SZRD1: variants seen among roughly 807,000 people sequenced by gnomAD.
SZRD1 encodes the protein SUZ RNA-binding domain-containing.
SZRD1 carries 7 observed loss-of-function variants against 17.6 expected under a neutral mutation model. The observed-to-expected ratio is 0.40, with a 90% confidence interval of 0.23 to 0.75. The LOEUF (loss-of-function observed/expected upper bound fraction) is 0.75. Among genes scored for constraint, SZRD1 ranks in the 30% least tolerant of loss-of-function variants. The pLI is 0.38. For synonymous variants in SZRD1, 77 were observed against 77.9 expected (o/e 0.99, Z 0.06); for missense variants, 178 against 201.8 (o/e 0.88, Z 0.71).
rs547843379 is a variant in SZRD1 at position 16,371,446 on chromosome 1, T to C, written c.51+4138T>C. 2.1e-4 allele frequency among the ~76,000 whole-genome samples: 30 copies of C among 144,946 alleles called. No homozygotes were observed. The South Asian group carries it at 5.6e-3, about 27-fold the overall frequency. On this transcript the variant is annotated intron_variant, in intron 1 of 3. Coordinates refer to ENST00000401088, the MANE Select transcript of SZRD1 (RefSeq NM_001114600.3). ...GCTCCCCCCTCTCCCTTCCTTTTTT[T>C]TCCTTTTTTTTTTTCCCCTTTTTTT...
chr1:16,367,252 A>C lies in SZRD1; in HGVS notation c.-6A>C, dbSNP rs1418315584. 1 of 1,548,078 alleles carries C rather than the reference A, an allele frequency of 6.5e-7. No homozygotes were observed. Among genetic ancestry groups the C allele is most frequent in the Non-Finnish European group, 8.7e-7 (1 of 1,146,308 alleles). On this transcript the variant is annotated 5_prime_UTR_variant, in exon 1 of 4. Transcript: ENST00000401088. ...GGGTGGGGGAGGAGGGAAAGCGGCG[A>C]GTAAGATGGAAGATGAGGAGGTCGC... is the stretch of plus-strand genomic sequence containing the variant.
intron 1 of SZRD1, 132 bp downstream of exon 1, chr1:16,367,440 C>T: frequency 1.2e-6 from 1 of 804,822 alleles, no homozygotes; most frequent in South Asian, 1.8e-5. Context: ...GGTGGAGAGG[C>T]CCCCAGTTCC....
chr1:16,381,840 G>A (rs2083110574), intron 1 of SZRD1, among the ~76,000 whole-genome samples: 1 of 151,598 alleles, frequency 6.6e-6, no homozygotes, highest in South Asian at 2.1e-4. Flanking sequence ...GTTGAGGCAG[G>A]TTTGAACCCA....
At chr1:16,383,274 A>G (rs1170402235) in intron 1 of SZRD1, among the ~76,000 whole-genome samples, 2 of 147,854 alleles carry the variant, frequency 1.4e-5, no homozygotes, top group East Asian at 2.0e-4. Flanking sequence ...CTGGAGTGCA[A>G]TGGCACAATC....
At chr1:16,377,296 A>C (rs560907924) in intron 1 of SZRD1, among the ~76,000 whole-genome samples, 2 of 152,100 alleles carry the variant, frequency 1.3e-5, no homozygotes, top group Non-Finnish European at 2.9e-5. Flanking sequence ...TGCAGTCATT[A>C]TAAAAGGTAG....
At chr1:16,388,484 T>A in intron 1 of SZRD1, among the ~76,000 whole-genome samples, 1 of 152,154 alleles carries the variant, frequency 6.6e-6, no homozygotes, top group East Asian at 1.9e-4. Flanking sequence ...TAAATCTAGT[T>A]TCATATGGTT....
chr1:16,375,044 A>G lies in SZRD1; in HGVS notation c.51+7736A>G, dbSNP rs571527191. On this transcript the variant is annotated intron_variant, in intron 1 of 3. Transcript: ENST00000401088. Reference sequence around the variant, plus strand: ...AGGTGCTCGCCACTACACCCAGCCAATTTTTGTATTTTTAGTAGAGATGGG... The same window carrying G: ...AGGTGCTCGCCACTACACCCAGCCAGTTTTTGTATTTTTAGTAGAGATGGG... Among the ~76,000 whole-genome samples, 56 of 151,816 alleles carry G rather than the reference A, an allele frequency of 3.7e-4. 3 individuals are homozygous for G. In the East Asian group the frequency reaches 0.01, roughly 28 times the overall value.
chr1:16,370,549 T>A (rs1007623934), intron 1 of SZRD1, among the ~76,000 whole-genome samples: 52 of 151,354 alleles, frequency 3.4e-4, no homozygotes, highest in African/African-American at 7.7e-4. Flanking sequence ...ATTTTTTTTT[T>A]ATTTTTTGAG....
chr1:16,369,626 C>T (rs759111311), intron 1 of SZRD1: 1 of 586,308 alleles, frequency 1.7e-6, no homozygotes, highest in East Asian at 2.9e-5. Context: ...CTGTGGCTCA[C>T]GCCTGTAATC....
chr1:16,387,736 C>T (rs532718525), intron 1 of SZRD1: 6 of 455,754 alleles, frequency 1.3e-5, no homozygotes, highest in South Asian at 3.1e-5. Context: ...TAGAGTGGAG[C>T]GAAATGATAC....
intron 1 of SZRD1, among the ~76,000 whole-genome samples, chr1:16,390,061 C>G (rs1015164036): frequency 1.3e-5 from 2 of 152,234 alleles, no homozygotes; most frequent in African/African-American, 4.8e-5. Context: ...AGAATCTTAT[C>G]TGGTTGAGAA....
intron 1 of SZRD1, chr1:16,369,446 C>T (rs1017383887): frequency 1.3e-5 from 14 of 1,054,182 alleles, no homozygotes; most frequent in South Asian, 3.8e-5. Context: ...CCATCTTCTA[C>T]GGGGTGAGTG....
Position 16,393,248 on chromosome 1 carries a change from C to G in SZRD1, c.122C>G (p.Pro41Arg). 6.2e-7 allele frequency: 1 copy of G among 1,614,076 alleles called. No individual in the cohort carries two copies. The highest frequency in any genetic ancestry group is 8.5e-7 in the Non-Finnish European group (1 of 1,179,960). ...QKESRKSKSP[P>R]KVPIVIQDDS... is the part of the protein sequence containing the mutation. ...GTCAGCAGGAAATCCAAATCTCCTC[C>G]CAAAGTGCCCATTGTGATTCAGGAC... The change falls in exon 3 of 4, where the codon CCC becomes CGC. Residue 41 changes from proline to arginine, a missense_variant. By Grantham distance (103) the Pro-to-Arg change is moderately radical (BLOSUM62 -2). This residue lies in a region of SZRD1 where 117 missense variants were observed against 108.7 expected (regional missense o/e 1.08). Transcript: ENST00000401088. The surrounding 1 kb of genome is among the most constrained non-coding windows in gnomAD (Gnocchi z 5.6).
intron 1 of SZRD1, among the ~76,000 whole-genome samples, chr1:16,370,730 G>T (rs1213230613): frequency 6.6e-6 from 1 of 151,884 alleles, no homozygotes; most frequent in Non-Finnish European, 1.5e-5. Flanking sequence ...TTGAATTCTT[G>T]GGCTCTAGCA....
chr1:16,382,175 G>C (rs562531112), intron 1 of SZRD1, among the ~76,000 whole-genome samples: 90 of 151,796 alleles, frequency 5.9e-4, no homozygotes, highest in African/African-American at 2.1e-3. Flanking sequence ...CTGAGCAGGG[G>C]CTAGCATGGG....
At chr1:16,378,128 G>A (rs920430555) in intron 1 of SZRD1, among the ~76,000 whole-genome samples, 4 of 152,112 alleles carry the variant, frequency 2.6e-5, no homozygotes, top group African/African-American at 9.7e-5. Context: ...ATAGGGCTGA[G>A]TGTATCCCTC....
At chr1:16,371,127 C>T (rs767431911) in intron 1 of SZRD1, among the ~76,000 whole-genome samples, 55 of 152,196 alleles carry the variant, frequency 3.6e-4, no homozygotes, top group Admixed American at 1.6e-3. Context: ...AAAAATCCAG[C>T]GGCAGTTCTA....
intron 1 of SZRD1, among the ~76,000 whole-genome samples, chr1:16,377,401 G>A (rs958101046): frequency 6.6e-6 from 1 of 152,038 alleles, no homozygotes; most frequent in Non-Finnish European, 1.5e-5. Flanking sequence ...TGGCCAACAT[G>A]GTGAAACCCT....
chr1:16,367,324 C>A lies in SZRD1; in HGVS notation c.51+16C>A, dbSNP rs746045736. On this transcript the variant is annotated intron_variant, in intron 1 of 3. Coordinates refer to ENST00000401088, the MANE Select transcript of SZRD1 (RefSeq NM_001114600.3). Reference sequence around the variant, plus strand: ...AGACAGCGGGGTAAGGAGGAGCCGCCGTCCCATGGCAGGGCCGGGCGAGAC... The same window carrying A: ...AGACAGCGGGGTAAGGAGGAGCCGCAGTCCCATGGCAGGGCCGGGCGAGAC... 6.5e-7 allele frequency: 1 copy of A among 1,547,356 alleles called. No individual in the cohort carries two copies. The highest frequency in any genetic ancestry group is 2.5e-5 in the East Asian group (1 of 40,752).
Sources: gnomAD v4.1 joint callset for allele counts (sites outside exome capture counted in the v4.1 genomes callset) on GRCh38, gnomAD v4.1.1 for gene constraint, gnomAD v4.1.1 regional missense constraint, Gnocchi (gnomAD v3.1) non-coding constraint, MANE v1.5 for transcripts, NCBI Gene and HGNC (gene_info 2026-07-23, HGNC 2026-07-21) for gene names.